CIROP: variants seen among roughly 807,000 people sequenced by gnomAD.
The protein encoded by CIROP is ciliated left-right organizer metallopeptidase.
chr14:23,099,102 A>G, the CIROP span: 9 of 405,460 alleles, frequency 2.2e-5, no homozygotes, highest in Non-Finnish European at 3.6e-5. Context: ...AAAATAAAGA[A>G]TGGATCTTTA....
chr14:23,100,456 A>G, the CIROP span: 5 of 413,228 alleles, frequency 1.2e-5, no homozygotes, highest in African/African-American at 2.1e-5. Context: ...AATTTCAAAC[A>G]TCCGGACTCC....
the CIROP span, chr14:23,104,696 A>T: frequency 1.4e-6 from 1 of 702,950 alleles, no homozygotes; most frequent in South Asian, 1.5e-5. Context: ...CCCAAGCTCC[A>T]TCTGATATAT....
the CIROP span, chr14:23,099,243 T>G: frequency 2.4e-6 from 1 of 413,396 alleles, no homozygotes; most frequent in Non-Finnish European, 4.4e-6. Context: ...TCACAAGAAA[T>G]TATTCTCTTC....
chr14:23,099,095 A>G, the CIROP span: 1 of 402,252 alleles, frequency 2.5e-6, no homozygotes, highest in Non-Finnish European at 4.6e-6. Context: ...TTGTACCAAA[A>G]TAAAGAATGG....
chr14:23,104,888 CA>C, the CIROP span: 8 of 120,506 alleles, frequency 6.6e-5, no homozygotes, highest in Admixed American at 1.7e-4. Flanking sequence ...CTAGTGGCGG[CA>C]GCAGCAGCAG....
At chr14:23,100,496 TCTTA>T in the CIROP span, 2 of 413,462 alleles carry the variant, frequency 4.8e-6, no homozygotes, top group Non-Finnish European at 8.8e-6. Context: ...ACTTGGAATA[TCTTA>T]CTTGCTGGGT....
At chr14:23,104,883 GGCGGCAGCA>G in the CIROP span, 1 of 650,190 alleles carries the variant, frequency 1.5e-6, no homozygotes, top group South Asian at 1.6e-5. Flanking sequence ...GAGGACTAGT[GGCGGCAGCA>G]GCAGCAGCAG....
chr14:23,103,274 C>T, the CIROP span: 1 of 401,378 alleles, frequency 2.5e-6, no homozygotes, highest in Non-Finnish European at 4.4e-6. Flanking sequence ...TTTGGCTGGG[C>T]ATGGTGGCTC....
At chr14:23,103,480 G>A in the CIROP span, 1 of 535,810 alleles carries the variant, frequency 1.9e-6, no homozygotes, top group African/African-American at 1.9e-5. Flanking sequence ...CCTGAGCCCA[G>A]GAGGTCAAGG....
At chr14:23,102,049 T>G in the CIROP span, 1 of 701,774 alleles carries the variant, frequency 1.4e-6, no homozygotes, top group South Asian at 1.5e-5. Flanking sequence ...CAGAGCTGAC[T>G]TGGGTCATGA....
At chr14:23,099,106 A>T in the CIROP span, 1 of 406,670 alleles carries the variant, frequency 2.5e-6, no homozygotes, top group Admixed American at 4.4e-5. Context: ...TAAAGAATGG[A>T]TCTTTAGAAC....
chr14:23,104,894 C>T, the CIROP span: 14 of 607,140 alleles, frequency 2.3e-5, 1 homozygote, highest in Non-Finnish European at 1.2e-5. Context: ...GCGGCAGCAG[C>T]AGCAGCAGCA....
At chr14:23,104,330 A>G in the CIROP span, 1 of 698,170 alleles carries the variant, frequency 1.4e-6, no homozygotes, top group Non-Finnish European at 2.6e-6. Context: ...AGCTGAGGAC[A>G]TTTCTAGGTA....
the CIROP span, chr14:23,103,118 T>C: frequency 2.2e-6 from 1 of 450,926 alleles, no homozygotes; most frequent in Non-Finnish European, 3.9e-6. Context: ...GTAGAAGAAG[T>C]CCTCTGAAAA....
the CIROP span, chr14:23,103,233 C>T: frequency 2.4e-6 from 1 of 415,288 alleles, no homozygotes; most frequent in South Asian, 1.0e-4. Flanking sequence ...CCTAAGTTAT[C>T]CCAAATAAGC....
chr14:23,103,050 G>C, the CIROP span: 7 of 541,800 alleles, frequency 1.3e-5, no homozygotes, highest in Non-Finnish European at 2.3e-5. Flanking sequence ...TATGACAGAG[G>C]GCTGTGGATG....
the CIROP span, chr14:23,101,397 C>T: frequency 6.8e-6 from 4 of 584,816 alleles, no homozygotes; most frequent in Admixed American, 6.1e-5. Flanking sequence ...GGCCCATGAG[C>T]TCTGCTTCCT....
chr14:23,103,886 G>T, the CIROP span: 1 of 659,470 alleles, frequency 1.5e-6, no homozygotes, highest in Non-Finnish European at 2.8e-6. Context: ...ATGAGGAGTA[G>T]GGGAGAATGA....
the CIROP span, chr14:23,104,858 G>T: frequency 1.4e-6 from 1 of 700,726 alleles, no homozygotes; most frequent in South Asian, 1.5e-5. Flanking sequence ...GTAGACATCG[G>T]CTTGCAGCAA....
Sources: gnomAD v4.1 joint callset for allele counts on GRCh38, gnomAD v4.1.1 for gene constraint, MANE v1.5 for transcripts, NCBI Gene and HGNC (gene_info 2026-07-23, HGNC 2026-07-21) for gene names.